Variants in FHOD3 observed in about 807,000 individuals in gnomAD.
The protein encoded by FHOD3 is FH1/FH2 domain-containing protein 3.
A neutral mutation model predicts 173.0 loss-of-function variants in FHOD3; 90 were observed. That is an observed-to-expected ratio of 0.52 (90% CI 0.44 to 0.62). The LOEUF is 0.62. Ranked by LOEUF, FHOD3 falls within the 20% of genes least tolerant of loss-of-function variation. The pLI is 0.00. For synonymous variants in FHOD3, 828 were observed against 823.0 expected (o/e 1.01, Z -0.10); for missense variants, 1,945 against 2,034.7 (o/e 0.96, Z 0.85).
intron 2 of FHOD3, among the ~76,000 whole-genome samples, chr18:36,370,934 T>C (rs2047155578): frequency 6.6e-6 from 1 of 152,204 alleles, no homozygotes; most frequent in Non-Finnish European, 1.5e-5. Context: ...ATCAAAACTT[T>C]CTTCTGGTCT....
At chr18:36,655,072 G>A (rs887075847) in intron 13 of FHOD3, among the ~76,000 whole-genome samples, 1 of 46,806 alleles carries the variant, frequency 2.1e-5, no homozygotes, top group African/African-American at 7.9e-5. Flanking sequence ...TTTTTTTTTT[G>A]TACCCCAATC....
At chr18:36,630,457 C>T (rs751465870) in intron 10 of FHOD3, among the ~76,000 whole-genome samples, 8 of 152,144 alleles carry the variant, frequency 5.3e-5, no homozygotes, top group Non-Finnish European at 7.3e-5. Context: ...GGGGACCAAG[C>T]CTTGACTTAA....
chr18:36,742,290 G>A (rs1327168364), intron 21 of FHOD3, among the ~76,000 whole-genome samples: 1 of 152,160 alleles, frequency 6.6e-6, no homozygotes, highest in African/African-American at 2.4e-5. Flanking sequence ...CAGGTGGCTA[G>A]CCGTGGAGTG....
intron 10 of FHOD3, among the ~76,000 whole-genome samples, chr18:36,647,443 C>CA (rs1291270927): frequency 6.6e-6 from 1 of 152,048 alleles, no homozygotes; most frequent in Middle Eastern, 3.2e-3. Context: ...ATGAAATAGA[C>CA]AAAATTATCA....
intron 8 of FHOD3, among the ~76,000 whole-genome samples, 172 bp downstream of exon 8, chr18:36,602,940 G>A (rs1039596342): frequency 2.6e-5 from 4 of 152,202 alleles, no homozygotes; most frequent in African/African-American, 9.6e-5. Context: ...AAGAGGAAAA[G>A]AGACACAGAG....
At chr18:36,513,292 T>G (rs1175651256) in intron 5 of FHOD3, among the ~76,000 whole-genome samples, 1 of 152,108 alleles carries the variant, frequency 6.6e-6, no homozygotes, top group East Asian at 1.9e-4. Flanking sequence ...AAGAAGAAAT[T>G]TTATATCGTC....
At chr18:36,470,760 G>T (rs113831893) in intron 3 of FHOD3, among the ~76,000 whole-genome samples, 1 of 152,238 alleles carries the variant, frequency 6.6e-6, no homozygotes, top group African/African-American at 2.4e-5. Context: ...TTCCCGCTCC[G>T]CGCTGGGATA....
At position 36,742,787 on chromosome 18, in the gene FHOD3, G is replaced by A. The variant is rs1306656961; in HGVS notation, c.3810G>A (p.Glu1270=). The A allele has an allele frequency of 1.2e-6, 2 of 1,614,004 alleles. No homozygotes were observed. Among genetic ancestry groups the A allele is most frequent in the Admixed American group, 1.7e-5 (1 of 60,002 alleles). ...TGAAGGAAGGAATAGACCAGTTGGA[G>A]AACAATAAAACCTTGGGCTTTATCC... ...LDLKEGIDQL[E]NNKTLGFILS... is the part of the protein sequence containing the mutation. The change falls in exon 22 of 29, where the codon GAG becomes GAA. Residue 1270 remains glutamate, a synonymous_variant. Coordinates refer to ENST00000590592, the MANE Select transcript of FHOD3 (RefSeq NM_001281740.3).
chr18:36,656,772 A>G (rs1361678778), intron 13 of FHOD3, among the ~76,000 whole-genome samples: 1 of 152,146 alleles, frequency 6.6e-6, no homozygotes, highest in Non-Finnish European at 1.5e-5. Flanking sequence ...AAAATTGGTA[A>G]TCATTTTTAA....
intron 3 of FHOD3, among the ~76,000 whole-genome samples, chr18:36,453,606 A>G (rs1312051601): frequency 2.6e-5 from 4 of 152,234 alleles, no homozygotes; most frequent in Non-Finnish European, 5.9e-5. Context: ...GCATGTGCCA[A>G]CTGCCCACAG....
At chr18:36,398,672 C>T (rs1423310290) in intron 3 of FHOD3, among the ~76,000 whole-genome samples, 2 of 152,206 alleles carry the variant, frequency 1.3e-5, no homozygotes, top group African/African-American at 2.4e-5. Context: ...CATGCCTAGG[C>T]AGAGCTTTAA....
At chr18:36,760,809 C>T (rs994775932) in intron 27 of FHOD3, 27 bp downstream of exon 27, 1 of 1,584,172 alleles carries the variant, frequency 6.3e-7, no homozygotes, top group Non-Finnish European at 8.6e-7. Flanking sequence ...CGGGGCTCGT[C>T]TTGTCTTCTC....
chr18:36,439,521 ATGTGTGTG>A (rs33931333), intron 3 of FHOD3, among the ~76,000 whole-genome samples: 6,069 of 144,712 alleles, frequency 0.042, 168 homozygotes, highest in Admixed American at 0.088. Context: ...AACCAATAGA[ATGTGTGTG>A]TGTGTGTGTG....
chr18:36,596,592 A>G (rs1341442496), intron 7 of FHOD3, among the ~76,000 whole-genome samples: 1 of 152,096 alleles, frequency 6.6e-6, no homozygotes, highest in Non-Finnish European at 1.5e-5. Flanking sequence ...GTTAATGAAA[A>G]GCATCCAGGA....
rs1480367947 is a variant in FHOD3 at position 36,665,664 on chromosome 18, G to A, written c.1835+7476G>A. On this transcript the variant is annotated intron_variant, in intron 14 of 28. Coordinates refer to ENST00000590592, the MANE Select transcript of FHOD3 (RefSeq NM_001281740.3). ...TCAAAACAGGGTTTTGCAAATCTGG[G>A]AAAGATGGGAGACCATTTGGAATCA... Among the ~76,000 whole-genome samples, 4 of 152,340 alleles carry A rather than the reference G, an allele frequency of 2.6e-5. No homozygotes were observed. The East Asian group carries it at 5.8e-4, about 22-fold the overall frequency.
At chr18:36,405,421 C>A (rs2049009769) in intron 3 of FHOD3, among the ~76,000 whole-genome samples, 1 of 152,224 alleles carries the variant, frequency 6.6e-6, no homozygotes, top group Non-Finnish European at 1.5e-5. Flanking sequence ...TCTTTCCTTT[C>A]CACTTTCTTT....
At position 36,594,778 on chromosome 18, in the gene FHOD3, T is replaced by C. The variant is rs565730862; in HGVS notation, c.607-9T>C. Reference sequence around the variant, plus strand: ...GGCAGTGATGTGATGGTTTTATCTCTTCTGCCAGTTCCGCCTGGTGGTGAA... The same window carrying C: ...GGCAGTGATGTGATGGTTTTATCTCCTCTGCCAGTTCCGCCTGGTGGTGAA... On this transcript the variant is annotated splice_polypyrimidine_tract_variant and intron_variant, in intron 6 of 28. Coordinates refer to ENST00000590592, the MANE Select transcript of FHOD3 (RefSeq NM_001281740.3). 2 of 1,607,504 alleles carry C rather than the reference T, an allele frequency of 1.2e-6. No individual in the cohort carries two copies. Among genetic ancestry groups the C allele is most frequent in the African/African-American group, 2.7e-5 (2 of 74,922 alleles).
rs927994468 is a variant in FHOD3 at position 36,572,733 on chromosome 18, G to C, written c.512-3718G>C. Among the ~76,000 whole-genome samples the C allele has an allele frequency of 3.3e-5, 5 of 152,238 alleles. No individual in the cohort carries two copies. The East Asian group carries it at 5.8e-4, about 18-fold the overall frequency. ...AGTACCAGAGGCCCTGAGCTCTTGG[G>C]GGGAGGCCTTCAGTCCCAGCTTCTC... On this transcript the variant is annotated intron_variant, in intron 5 of 28. Transcript: ENST00000590592.
At chr18:36,672,864 T>C (rs903291737) in intron 14 of FHOD3, among the ~76,000 whole-genome samples, 4 of 152,228 alleles carry the variant, frequency 2.6e-5, no homozygotes, top group African/African-American at 9.6e-5. Flanking sequence ...AAATTATATT[T>C]TGAATGGTTC....
Sources: allele counts gnomAD v4.1 joint callset (sites outside exome capture counted in the v4.1 genomes callset), GRCh38; gene constraint gnomAD v4.1.1; transcripts MANE v1.5; gene names NCBI Gene and HGNC (gene_info 2026-07-23, HGNC 2026-07-21).